DRC11: variants seen among roughly 807,000 people sequenced by gnomAD.
DRC11 encodes IQ and AAA domain-containing protein 1.
the DRC11 span, among the ~76,000 whole-genome samples, chr2:236,351,740 GAGA>G: frequency 6.6e-6 from 1 of 152,190 alleles, no homozygotes; most frequent in East Asian, 1.9e-4. This position sits in a 1 kb window ranked among gnomAD's most constrained non-coding sequence, Gnocchi z 7.3. Flanking sequence ...CTGCTGTGGG[GAGA>G]AGATGAGAGC....
the DRC11 span, among the ~76,000 whole-genome samples, chr2:236,455,785 GA>G: frequency 1.3e-5 from 2 of 152,126 alleles, no homozygotes; most frequent in Non-Finnish European, 2.9e-5. The surrounding 1 kb of genome is among the most constrained non-coding windows in gnomAD (Gnocchi z 5.7). Flanking sequence ...AAAATATAAC[GA>G]AGCATTTCAA....
the DRC11 span, among the ~76,000 whole-genome samples, chr2:236,355,528 AC>A: frequency 6.6e-6 from 1 of 152,078 alleles, no homozygotes; most frequent in East Asian, 1.9e-4. Context: ...CTGGCCTCCC[AC>A]CGTGTCCATA....
At chr2:236,480,710 C>G in the DRC11 span, among the ~76,000 whole-genome samples, 1 of 152,224 alleles carries the variant, frequency 6.6e-6, no homozygotes, top group Admixed American at 6.5e-5. Flanking sequence ...ATGTTGCCAT[C>G]TCATTAGTGT....
chr2:236,382,754 T>C, the DRC11 span, among the ~76,000 whole-genome samples: 39 of 152,324 alleles, frequency 2.6e-4, no homozygotes, highest in East Asian at 6.2e-3. Context: ...TGATGATATG[T>C]AGAAATATAA....
chr2:236,387,801 C>T, the DRC11 span, among the ~76,000 whole-genome samples: 30 of 151,954 alleles, frequency 2.0e-4, no homozygotes, highest in South Asian at 5.6e-3. Context: ...TGGCTGGTAC[C>T]GGTTGTTCCT....
the DRC11 span, among the ~76,000 whole-genome samples, chr2:236,394,929 C>T: frequency 2.0e-5 from 3 of 152,150 alleles, no homozygotes; most frequent in African/African-American, 4.8e-5. The surrounding 1 kb of genome is among the most constrained non-coding windows in gnomAD (Gnocchi z 7.0). Flanking sequence ...CCCGTGGTGG[C>T]GCAAGGGCAG....
the DRC11 span, among the ~76,000 whole-genome samples, chr2:236,315,494 C>T: frequency 6.6e-5 from 10 of 152,226 alleles, no homozygotes; most frequent in African/African-American, 1.9e-4. The surrounding 1 kb of genome is among the most constrained non-coding windows in gnomAD (Gnocchi z 5.1). Context: ...CCAGCAATCC[C>T]GTTACTAGGT....
At chr2:236,440,570 A>G in the DRC11 span, among the ~76,000 whole-genome samples, 4 of 152,208 alleles carry the variant, frequency 2.6e-5, no homozygotes, top group Non-Finnish European at 4.4e-5. Context: ...TTTCACTCGA[A>G]AAAAGGCAAG....
chr2:236,507,146 A>G, the DRC11 span: 825 of 1,095,020 alleles, frequency 7.5e-4, no homozygotes, highest in Non-Finnish European at 1.0e-3. Context: ...AGGGAAGTTG[A>G]GAGGGGAGGA....
chr2:236,418,978 T>C, the DRC11 span, among the ~76,000 whole-genome samples: 2 of 152,216 alleles, frequency 1.3e-5, no homozygotes, highest in Admixed American at 6.5e-5. Flanking sequence ...TGGCAATGGA[T>C]TGCCAATCAA....
At chr2:236,464,545 C>G in the DRC11 span, among the ~76,000 whole-genome samples, 213 of 152,316 alleles carry the variant, frequency 1.4e-3, no homozygotes, top group African/African-American at 4.7e-3. Context: ...CTTTTGTAAA[C>G]AAGTTTTAAC....
the DRC11 span, among the ~76,000 whole-genome samples, chr2:236,343,335 G>C: frequency 6.6e-6 from 1 of 152,230 alleles, no homozygotes; most frequent in Non-Finnish European, 1.5e-5. The surrounding 1 kb of genome is among the most constrained non-coding windows in gnomAD (Gnocchi z 6.6). Flanking sequence ...GCAGCCGCAA[G>C]CACTGATGGC....
the DRC11 span, among the ~76,000 whole-genome samples, chr2:236,381,429 C>T: frequency 4.0e-4 from 61 of 151,820 alleles, no homozygotes; most frequent in African/African-American, 1.4e-3. This position sits in a 1 kb window ranked among gnomAD's most constrained non-coding sequence, Gnocchi z 5.8. Flanking sequence ...AGCCTAAGAA[C>T]GTTGTTATAG....
chr2:236,365,093 T>A, the DRC11 span, among the ~76,000 whole-genome samples: 1 of 152,032 alleles, frequency 6.6e-6, no homozygotes, highest in Non-Finnish European at 1.5e-5. This position sits in a 1 kb window ranked among gnomAD's most constrained non-coding sequence, Gnocchi z 7.4. Context: ...CACCTGGGTA[T>A]GGAAGGCTGC....
chr2:236,475,423 A>G, the DRC11 span, among the ~76,000 whole-genome samples: 2 of 152,196 alleles, frequency 1.3e-5, no homozygotes, highest in African/African-American at 2.4e-5. The surrounding 1 kb of genome is among the most constrained non-coding windows in gnomAD (Gnocchi z 4.8). Flanking sequence ...TATTGTGAAT[A>G]GTGCTGCAAC....
the DRC11 span, among the ~76,000 whole-genome samples, chr2:236,403,112 T>C: frequency 2.0e-5 from 3 of 150,038 alleles, no homozygotes; most frequent in African/African-American, 7.4e-5. Context: ...TAGGGATGGA[T>C]GAAGGCAAGG....
the DRC11 span, among the ~76,000 whole-genome samples, chr2:236,325,598 CTT>C: frequency 8.2e-3 from 1,172 of 142,150 alleles, 18 homozygotes; most frequent in African/African-American, 0.027. This position sits in a 1 kb window ranked among gnomAD's most constrained non-coding sequence, Gnocchi z 4.4. Flanking sequence ...CTTTGTATGT[CTT>C]TTTTTTTTTT....
chr2:236,390,125 T>C, the DRC11 span, among the ~76,000 whole-genome samples: 1 of 152,206 alleles, frequency 6.6e-6, no homozygotes, highest in East Asian at 1.9e-4. The surrounding 1 kb of genome is among the most constrained non-coding windows in gnomAD (Gnocchi z 5.9). Context: ...CCTTCAGATA[T>C]GTTAATATTT....
the DRC11 span, among the ~76,000 whole-genome samples, chr2:236,468,723 T>G: frequency 6.6e-5 from 10 of 152,348 alleles, no homozygotes; most frequent in Non-Finnish European, 1.3e-4. Context: ...GACTTTAATC[T>G]CTCCAATGGC....
Sources: gnomAD v4.1 joint callset for allele counts (sites outside exome capture counted in the v4.1 genomes callset) on GRCh38, gnomAD v4.1.1 for gene constraint, Gnocchi (gnomAD v3.1) non-coding constraint, MANE v1.5 for transcripts, NCBI Gene and HGNC (gene_info 2026-07-23, HGNC 2026-07-21) for gene names.